The following NFATC3 variants were observed in gnomAD, a reference collection of about 807,000 sequenced individuals.
NFATC3 encodes the protein nuclear factor of activated T cells 3.
NFATC3 carries 46 observed loss-of-function variants against 98.6 expected under a neutral mutation model. The ratio of observed to expected loss-of-function variants is 0.47; its 90% CI spans 0.37 to 0.60. The LOEUF is 0.60. NFATC3 is among the 20% of genes least tolerant of loss of function. The probability of loss-of-function intolerance (pLI) is 0.00; values close to 1 mark genes in which losing one functional copy is unlikely to be tolerated. For missense variants in NFATC3, 1,256 were observed against 1,295.5 expected (o/e 0.97, Z 0.47); for synonymous variants, 512 against 472.2 (o/e 1.08, Z -1.09).
At chr16:68,192,919 C>G (rs2040506495) in intron 9 of NFATC3, among the ~76,000 whole-genome samples, 1 of 152,250 alleles carries the variant, frequency 6.6e-6, no homozygotes, top group East Asian at 1.9e-4. Flanking sequence ...AAGGATTCAG[C>G]AAGTCTTCTG....
chr16:68,141,796 C>T (rs2037766659), intron 3 of NFATC3, among the ~76,000 whole-genome samples: 1 of 152,060 alleles, frequency 6.6e-6, no homozygotes, highest in Non-Finnish European at 1.5e-5. Context: ...TTCCACAGTG[C>T]AGAATCTTTT....
intron 1 of NFATC3, among the ~76,000 whole-genome samples, chr16:68,087,315 A>G (rs1310393687): frequency 6.6e-6 from 1 of 152,238 alleles, no homozygotes; most frequent in Non-Finnish European, 1.5e-5. Context: ...GTGTGACTAC[A>G]TAAGTAGGAA....
intron 1 of NFATC3, among the ~76,000 whole-genome samples, chr16:68,100,331 G>T (rs541856975): frequency 1.3e-5 from 2 of 152,202 alleles, no homozygotes; most frequent in East Asian, 3.9e-4. Context: ...CCAGCACTTT[G>T]GGAGGCCGAG....
intron 1 of NFATC3, among the ~76,000 whole-genome samples, chr16:68,099,434 C>CAA (rs997913348): frequency 7.3e-6 from 1 of 137,812 alleles, no homozygotes; most frequent in African/African-American, 2.7e-5. Context: ...GACCCCACCT[C>CAA]AAAAAAAAAA....
At chr16:68,177,728 T>C (rs2039779753) in intron 6 of NFATC3, among the ~76,000 whole-genome samples, 1 of 152,118 alleles carries the variant, frequency 6.6e-6, no homozygotes, top group Admixed American at 6.6e-5. Flanking sequence ...TACTGGATCC[T>C]TCTTCTTGGA....
At position 68,217,696 on chromosome 16, in the gene NFATC3, CCT is replaced by C. The variant is rs1296943001; in HGVS notation, c.3107-8651_3107-8650del. The C allele has an allele frequency of 3.2e-6, 4 of 1,231,356 alleles. No individual in the cohort carries two copies. In the African/African-American group the frequency reaches 6.2e-5, roughly 19 times the overall value. 76.3% of individuals were successfully genotyped at this position (1,231,356 alleles called of 1,614,324 possible). A position where few individuals can be genotyped will look rare whatever the true frequency, so the allele number is the denominator to read the frequency against. On this transcript the variant is annotated intron_variant, in intron 9 of 9. Transcript: ENST00000346183. Reference sequence around the variant, plus strand: ...TCAAGATTCCTTTCAATTTGTTGTTCCTCTTTCTCCTTAGGTTTTGTCAAAGC... The same window carrying C: ...TCAAGATTCCTTTCAATTTGTTGTTCCTTTCTCCTTAGGTTTTGTCAAAGC...
chr16:68,226,880 A>G lies in NFATC3; in HGVS notation c.*409A>G, dbSNP rs377619994. The G allele has an allele frequency of 7.7e-6, 1 of 129,322 alleles. No homozygotes were observed. Among genetic ancestry groups the G allele is most frequent in the African/African-American group, 2.7e-5 (1 of 36,976 alleles). 8.0% of individuals were successfully genotyped at this position (129,322 alleles called of 1,614,324 possible). ...ATAATTTTTAAAATAGGAACTTTTG[A>G]TAAGACCTTCTAGAAGCAAAAAAAA... On this transcript the variant is annotated 3_prime_UTR_variant, in exon 10 of 10. Coordinates refer to ENST00000346183, the MANE Select transcript of NFATC3 (RefSeq NM_173165.3).
intron 3 of NFATC3, among the ~76,000 whole-genome samples, chr16:68,134,053 G>A (rs1241014975): frequency 2.6e-5 from 4 of 152,100 alleles, no homozygotes; most frequent in Non-Finnish European, 4.4e-5. Context: ...ACACTTGTTA[G>A]TCTTTTAATT....
In NFATC3 at chr16:68,153,242, G is replaced by A. The variant is rs554097120; in HGVS notation, c.1402-4627G>A. Among the ~76,000 whole-genome samples the A allele has an allele frequency of 2.0e-5, 3 of 152,218 alleles. No individual in the cohort carries two copies. The South Asian group carries it at 6.2e-4, about 32-fold the overall frequency. On this transcript the variant is annotated intron_variant, in intron 3 of 9. Coordinates refer to ENST00000346183, the MANE Select transcript of NFATC3 (RefSeq NM_173165.3). ...TCAAGACCAGCATGGCCAACATGGTGAAACCCCGTCTCTACTAAAAATGCA... is the reference window on the plus strand; with the variant it reads ...TCAAGACCAGCATGGCCAACATGGTAAAACCCCGTCTCTACTAAAAATGCA...
At chr16:68,126,365 T>A in intron 2 of NFATC3, 83 bp from the exon 3 acceptor site, 1 of 1,285,344 alleles carries the variant, frequency 7.8e-7, no homozygotes. Flanking sequence ...GGAAGAAATG[T>A]TGGTGCTGGC....
At chr16:68,123,602 G>C (rs1327311565) in intron 2 of NFATC3, among the ~76,000 whole-genome samples, 4 of 151,804 alleles carry the variant, frequency 2.6e-5, no homozygotes, top group Middle Eastern at 3.2e-3. Context: ...GAACTTCAAG[G>C]CTGCAGTGAA....
intron 3 of NFATC3, among the ~76,000 whole-genome samples, chr16:68,127,498 A>T (rs1419736433): frequency 6.6e-6 from 1 of 152,062 alleles, no homozygotes; most frequent in Non-Finnish European, 1.5e-5. Flanking sequence ...GCCAGCCTGG[A>T]CAATATAGTG....
chr16:68,193,260 T>C (rs953135154), intron 9 of NFATC3, among the ~76,000 whole-genome samples: 1 of 151,982 alleles, frequency 6.6e-6, no homozygotes, highest in African/African-American at 2.4e-5. Flanking sequence ...ATTCATGGAT[T>C]TTGGTATGGG....
At chr16:68,090,013 A>T (rs59708959) in intron 1 of NFATC3, among the ~76,000 whole-genome samples, 21,019 of 152,096 alleles carry the variant, frequency 0.14, 1,520 homozygotes, top group South Asian at 0.2. Flanking sequence ...TTTTCAGATA[A>T]TCCTTTAATA....
chr16:68,197,756 T>A (rs1426745190), intron 9 of NFATC3, among the ~76,000 whole-genome samples: 4 of 152,190 alleles, frequency 2.6e-5, no homozygotes, highest in Non-Finnish European at 4.4e-5. Context: ...TTTAAAAAAA[T>A]TTTTGCTATA....
intron 3 of NFATC3, among the ~76,000 whole-genome samples, 160 bp from the exon 4 acceptor site, chr16:68,157,709 T>A (rs1349082472): frequency 6.6e-6 from 1 of 152,242 alleles, no homozygotes; most frequent in Non-Finnish European, 1.5e-5. Flanking sequence ...TTTGGAAATT[T>A]GGAGGGCTGC....
At chr16:68,152,704 G>T (rs564419483) in intron 3 of NFATC3, among the ~76,000 whole-genome samples, 162 of 152,254 alleles carry the variant, frequency 1.1e-3, no homozygotes, top group Non-Finnish European at 2.2e-3. Context: ...TACAGCTTGT[G>T]AACTAGGAGT....
intron 3 of NFATC3, among the ~76,000 whole-genome samples, chr16:68,143,226 AAAAAG>A (rs2037851383): frequency 1.3e-5 from 2 of 151,776 alleles, no homozygotes; most frequent in African/African-American, 4.8e-5. Context: ...AAAAAAAAAA[AAAAAG>A]GAAAGAAAGA....
Position 68,191,574 on chromosome 16 carries a change from A to C in NFATC3, c.2905A>C (p.Met969Leu). The change falls in exon 9 of 10, where the codon ATG becomes CTG. Residue 969 changes from methionine to leucine, a missense_variant. Met to Leu is a conservative substitution (Grantham distance 15, BLOSUM62 2). Coordinates refer to ENST00000346183, the MANE Select transcript of NFATC3 (RefSeq NM_173165.3). ...TASSPSPATR[M>L]HSGQHSTQAQ... The stretch of plus-strand genomic sequence containing the variant: ...CTCATCACCGTCTCCAGCCACCAGA[A>C]TGCATTCTGGACAGCACTCAACTCA... 1.9e-6 allele frequency: 3 copies of C among 1,614,124 alleles called. No homozygotes were observed. Among genetic ancestry groups the C allele is most frequent in the Non-Finnish European group, 2.5e-6 (3 of 1,180,034 alleles).
Sources: allele counts gnomAD v4.1 joint callset (sites outside exome capture counted in the v4.1 genomes callset), GRCh38; gene constraint gnomAD v4.1.1; transcripts MANE v1.5; gene names NCBI Gene and HGNC (gene_info 2026-07-23, HGNC 2026-07-21).